Variants in MAST4 observed in about 807,000 individuals in gnomAD.
MAST4 encodes the protein microtubule-associated serine/threonine-protein kinase 4.
In MAST4, 89 loss-of-function variants were observed where a neutral mutation model predicts 162.7. The ratio of observed to expected loss-of-function variants is 0.55; its 90% CI spans 0.46 to 0.65. The LOEUF (loss-of-function observed/expected upper bound fraction) is 0.65. Ranked by LOEUF, MAST4 falls within the 30% of genes least tolerant of loss-of-function variation. The pLI, the probability that MAST4 is intolerant of heterozygous loss-of-function variation, is 0.00. For synonymous variants in MAST4, 1,479 were observed against 1,361.1 expected, an observed-to-expected ratio of 1.09 and a Z score of -1.91; for missense variants, 3,153 against 3,374.0, an observed-to-expected ratio of 0.93 and a Z score of 1.62.
At chr5:66,707,623 A>G (rs1750219944) in intron 1 of MAST4, among the ~76,000 whole-genome samples, 1 of 152,058 alleles carries the variant, frequency 6.6e-6, no homozygotes, top group Non-Finnish European at 1.5e-5. Flanking sequence ...TCCTCTTCTT[A>G]TAAGAACACC....
chr5:66,694,630 G>A (rs1749276846), intron 1 of MAST4, among the ~76,000 whole-genome samples: 1 of 152,058 alleles, frequency 6.6e-6, no homozygotes, highest in African/African-American at 2.4e-5. Flanking sequence ...GGGACTACAG[G>A]CGTGTGCCAC....
In MAST4 at chr5:66,773,506, T is replaced by C. The variant is rs73765335; in HGVS notation, c.517+13644T>C. 6.3e-3 allele frequency among the ~76,000 whole-genome samples: 964 copies of C among 152,350 alleles called. 6 individuals are homozygous for C. Among genetic ancestry groups the C allele is most frequent in the African/African-American group, 0.021 (887 of 41,572 alleles). On this transcript the variant is annotated intron_variant, in intron 2 of 28. Coordinates refer to ENST00000403625, the MANE Select transcript of MAST4 (RefSeq NM_001164664.2). ...GATATTATTGAAATGTCTGTTTCCT[T>C]CTTTGAGTAAGAATAGAGGGGGAAT...
At chr5:67,056,755 G>GCTCT (rs953685464) in intron 5 of MAST4, among the ~76,000 whole-genome samples, 4 of 152,176 alleles carry the variant, frequency 2.6e-5, no homozygotes, top group African/African-American at 9.7e-5. Flanking sequence ...GGAGTGCAGA[G>GCTCT]GCACGATCTC....
At chr5:66,639,278 TTGTGTGTGTGTG>T (rs70987132) in intron 1 of MAST4, among the ~76,000 whole-genome samples, 2 of 138,624 alleles carry the variant, frequency 1.4e-5, no homozygotes, top group African/African-American at 5.5e-5. Flanking sequence ...GAGAGGCAGC[TTGTGTGTGTGTG>T]TGTGTGTGTG....
In MAST4 at chr5:66,596,901, T is replaced by C; in HGVS notation, c.246T>C (p.Ala82=). The part of the protein sequence containing the change: ...TLGARAPAAW[A]PASVLLERGV... The stretch of plus-strand genomic sequence containing the variant: ...GCGCCCGGGCGCCCGCCGCGTGGGC[T>C]CCGGCAAGCGTGCTGCTGGAGCGCG... Residue 82 remains alanine (A), a synonymous_variant, in exon 1 of 29, where the codon GCT becomes GCC. Transcript: ENST00000403625. 3 of 1,282,858 alleles carry C rather than the reference T, an allele frequency of 2.3e-6. No homozygotes were observed. Among genetic ancestry groups the C allele is most frequent in the South Asian group, 2.6e-5 (1 of 38,564 alleles). The allele number at this position is 1,282,858 out of a possible 1,614,324, so 79.5% of individuals were successfully genotyped here.
intron 1 of MAST4, among the ~76,000 whole-genome samples, chr5:66,687,546 A>G (rs1748750214): frequency 6.6e-6 from 1 of 151,850 alleles, no homozygotes; most frequent in Admixed American, 6.6e-5. Context: ...ATGTATGTAT[A>G]CATATATACA....
chr5:66,795,115 C>G (rs1465569700), intron 3 of MAST4, among the ~76,000 whole-genome samples: 1 of 152,144 alleles, frequency 6.6e-6, no homozygotes, highest in Admixed American at 6.5e-5. Flanking sequence ...GATCCGAAGT[C>G]TAATTAGTTA....
intron 4 of MAST4, among the ~76,000 whole-genome samples, chr5:67,040,896 C>T (rs766026924): frequency 2.6e-5 from 4 of 152,200 alleles, no homozygotes; most frequent in African/African-American, 4.8e-5. Context: ...GTTTAGATCC[C>T]GGTTCTCCCA....
chr5:66,781,338 G>T (rs1754861060), intron 2 of MAST4, among the ~76,000 whole-genome samples: 2 of 152,226 alleles, frequency 1.3e-5, no homozygotes, highest in South Asian at 4.1e-4. Context: ...CAGTAGAGAT[G>T]TCTAGGCAAA....
chr5:67,008,037 G>A (rs781403293), intron 4 of MAST4, among the ~76,000 whole-genome samples: 2 of 152,166 alleles, frequency 1.3e-5, no homozygotes, highest in Non-Finnish European at 2.9e-5. Context: ...TTGTTGGGAT[G>A]CACACTGGCT....
At chr5:66,753,348 TAATG>T (rs1167868677) in intron 1 of MAST4, among the ~76,000 whole-genome samples, 14 of 151,420 alleles carry the variant, frequency 9.2e-5, no homozygotes, top group Admixed American at 6.6e-4. Flanking sequence ...TTCAAAAAAT[TAATG>T]AATCCAGGAG....
At chr5:66,974,327 A>G (rs1462433078) in intron 4 of MAST4, among the ~76,000 whole-genome samples, 1 of 152,226 alleles carries the variant, frequency 6.6e-6, no homozygotes, top group Non-Finnish European at 1.5e-5. Flanking sequence ...ACTACTTGTT[A>G]TAGAAATGAA....
intron 1 of MAST4, among the ~76,000 whole-genome samples, chr5:66,599,693 C>T (rs190500208): frequency 7.9e-5 from 12 of 152,240 alleles, no homozygotes; most frequent in African/African-American, 2.4e-4. Context: ...GTCAGAGAAT[C>T]GGAGGCTATG....
chr5:66,745,337 A>G (rs1752688528), intron 1 of MAST4, among the ~76,000 whole-genome samples: 2 of 152,184 alleles, frequency 1.3e-5, no homozygotes, highest in African/African-American at 4.8e-5. Context: ...AGGATCTTAA[A>G]GGCCCACATT....
rs540039097 is a variant in MAST4, at chr5:66,924,537, G to T, written c.674+24555G>T. Reference sequence around the variant, plus strand: ...GCCTCCTGAGTAGCTGGGACTATAGGCGTCCGCCACCGCGTCCACCACCGC... The same window carrying T: ...GCCTCCTGAGTAGCTGGGACTATAGTCGTCCGCCACCGCGTCCACCACCGC... On this transcript the variant is annotated intron_variant, in intron 4 of 28. Transcript: ENST00000403625. Among the ~76,000 whole-genome samples, 25 of 151,996 alleles carry T rather than the reference G, an allele frequency of 1.6e-4. No homozygotes were observed. The South Asian group carries it at 5.2e-3, about 32-fold the overall frequency.
intron 2 of MAST4, 114 bp downstream of exon 2, chr5:66,759,976 A>G (rs1753762573): frequency 7.7e-6 from 8 of 1,038,246 alleles, no homozygotes; most frequent in Non-Finnish European, 1.0e-5. Context: ...GCCTCTGCAG[A>G]CCATTTCATA....
At chr5:66,653,212 T>C (rs183719495) in intron 1 of MAST4, among the ~76,000 whole-genome samples, 1 of 152,334 alleles carries the variant, frequency 6.6e-6, no homozygotes. Context: ...ATGCAAATGA[T>C]GCATGTTAAT....
chr5:66,928,607 T>TA (rs1164158741), intron 4 of MAST4, among the ~76,000 whole-genome samples: 1 of 151,144 alleles, frequency 6.6e-6, no homozygotes, highest in Non-Finnish European at 1.5e-5. Context: ...TGGGTAAACC[T>TA]AGAAACCTCC....
intron 4 of MAST4, among the ~76,000 whole-genome samples, chr5:66,983,868 A>G (rs551459913): frequency 1.6e-4 from 24 of 152,346 alleles, no homozygotes; most frequent in African/African-American, 5.1e-4. Flanking sequence ...ATATTGTTCA[A>G]TTCAAACAGA....
Sources: allele counts gnomAD v4.1 joint callset (sites outside exome capture counted in the v4.1 genomes callset), GRCh38; gene constraint gnomAD v4.1.1; transcripts MANE v1.5; gene names NCBI Gene and HGNC (gene_info 2026-07-23, HGNC 2026-07-21).